The following CNTN3 variants were observed in gnomAD, a reference collection of about 807,000 sequenced individuals.
CNTN3 encodes the protein contactin-3.
A neutral mutation model predicts 119.1 loss-of-function variants in CNTN3; 60 were observed. The ratio of observed to expected loss-of-function variants is 0.50; its 90% CI spans 0.41 to 0.62. The LOEUF (loss-of-function observed/expected upper bound fraction) is 0.62, where lower values mean the gene tolerates loss of function less well. Among genes scored for constraint, CNTN3 ranks in the 20% least tolerant of loss-of-function variants. The pLI, the probability that CNTN3 is intolerant of heterozygous loss-of-function variation, is 0.00. For synonymous variants in CNTN3, 450 were observed against 438.7 expected (o/e 1.03, Z -0.32); for missense variants, 1,101 against 1,242.4 (o/e 0.89, Z 1.71).
At chr3:74,582,780 C>T (rs1213745228) in intron 1 of CNTN3, among the ~76,000 whole-genome samples, 1 of 109,960 alleles carries the variant, frequency 9.1e-6, no homozygotes, top group Non-Finnish European at 1.7e-5. Context: ...CATGTGTATG[C>T]ATTTGTGTGT....
intron 13 of CNTN3, among the ~76,000 whole-genome samples, chr3:74,318,225 G>T (rs1254481403): frequency 6.6e-6 from 1 of 151,678 alleles, no homozygotes; most frequent in African/African-American, 2.4e-5. Flanking sequence ...TTGTTATTCA[G>T]TTATCCATTT....
intron 1 of CNTN3, among the ~76,000 whole-genome samples, chr3:74,570,440 T>C (rs1223875670): frequency 6.6e-6 from 1 of 151,992 alleles, no homozygotes; most frequent in Non-Finnish European, 1.5e-5. Context: ...ACTCTCTTGA[T>C]TTCTCTCAAC....
At chr3:74,304,007 T>C (rs1275834875) in intron 13 of CNTN3, among the ~76,000 whole-genome samples, 2 of 152,088 alleles carry the variant, frequency 1.3e-5, no homozygotes, top group Non-Finnish European at 2.9e-5. Context: ...AAAGAAAAGT[T>C]TTAGTCTTGA....
chr3:74,427,097 TG>T (rs1701707020), intron 4 of CNTN3, among the ~76,000 whole-genome samples: 2 of 152,328 alleles, frequency 1.3e-5, no homozygotes, highest in South Asian at 4.1e-4. Flanking sequence ...ATCTGCCCAT[TG>T]GTCTAGAGAC....
At chr3:74,460,404 A>G (rs1175289237) in intron 4 of CNTN3, among the ~76,000 whole-genome samples, 2 of 152,104 alleles carry the variant, frequency 1.3e-5, no homozygotes, top group African/African-American at 4.8e-5. Flanking sequence ...GAATATTTTA[A>G]TCTATGAACA....
chr3:74,319,860 G>T (rs1000024734), intron 13 of CNTN3, among the ~76,000 whole-genome samples: 20 of 151,108 alleles, frequency 1.3e-4, no homozygotes, highest in Admixed American at 1.3e-3. Flanking sequence ...AGGTGAAGGA[G>T]ATGAACAGAC....
intron 3 of CNTN3, 49 bp from the exon 4 acceptor site, chr3:74,486,680 A>C: frequency 7.1e-7 from 1 of 1,407,122 alleles, no homozygotes; most frequent in Non-Finnish European, 9.4e-7. Context: ...TTTAACTTAA[A>C]AGAAGGCTCT....
chr3:74,304,153 G>C (rs1165664346), intron 13 of CNTN3, among the ~76,000 whole-genome samples: 1 of 152,120 alleles, frequency 6.6e-6, no homozygotes, highest in Non-Finnish European at 1.5e-5. Context: ...TTCTCTGTTA[G>C]TTGTATTGCA....
chr3:74,358,908 A>G (rs1200079908), intron 11 of CNTN3, among the ~76,000 whole-genome samples: 1 of 151,306 alleles, frequency 6.6e-6, no homozygotes, highest in Non-Finnish European at 1.5e-5. Context: ...ATGATTTCCA[A>G]TTTCATCCAT....
At chr3:74,433,818 T>C (rs1701825562) in intron 4 of CNTN3, among the ~76,000 whole-genome samples, 1 of 152,212 alleles carries the variant, frequency 6.6e-6, no homozygotes. Context: ...ACATCTCTTT[T>C]TTGAAACCTT....
In CNTN3 at chr3:74,380,311, C is replaced by T. The variant is rs577206664; in HGVS notation, c.455-8912G>A. 5.9e-5 allele frequency among the ~76,000 whole-genome samples: 9 copies of T among 152,300 alleles called. No homozygotes were observed. The South Asian group carries it at 6.2e-4, about 11-fold the overall frequency. On this transcript the variant is annotated intron_variant, in intron 5 of 22. Coordinates refer to ENST00000263665, the MANE Select transcript of CNTN3 (RefSeq NM_020872.3). ...TAATAGCACATTTTGCACATAGCCA[C>T]GCTTGATACAATGTGCATTTTGGTG...
intron 1 of CNTN3, among the ~76,000 whole-genome samples, chr3:74,546,668 G>A (rs7427367): frequency 0.91 from 139,241 of 152,194 alleles, 63,740 homozygotes; most frequent in East Asian, 0.93. Context: ...TTTGACCTTC[G>A]ACCACAGACT....
chr3:74,488,245 TGG>T, intron 3 of CNTN3, among the ~76,000 whole-genome samples: 1 of 152,056 alleles, frequency 6.6e-6, no homozygotes, highest in African/African-American at 2.4e-5. Flanking sequence ...CCAGAGTAGC[TGG>T]GACTACAGGC....
chr3:74,373,991 T>C lies in CNTN3; in HGVS notation c.455-2592A>G, dbSNP rs115350366. Among the ~76,000 whole-genome samples the C allele has an allele frequency of 9.5e-3, 1,450 of 152,234 alleles. 17 individuals are homozygous for C. Among genetic ancestry groups the C allele is most frequent in the African/African-American group, 0.031 (1,298 of 41,536 alleles). ...CACAGAACACAGTTGACTGATGGCC[T>C]CTACCTGCTACCCCAGGAGCACTGT... is the stretch of plus-strand genomic sequence containing the variant. On this transcript the variant is annotated intron_variant, in intron 5 of 22. Coordinates refer to ENST00000263665, the MANE Select transcript of CNTN3 (RefSeq NM_020872.3).
chr3:74,391,119 T>G (rs567376661), intron 5 of CNTN3, among the ~76,000 whole-genome samples: 11 of 152,196 alleles, frequency 7.2e-5, no homozygotes, highest in Non-Finnish European at 1.5e-4. Flanking sequence ...GAGATTTACA[T>G]GGAAGGTAGC....
At chr3:74,472,013 G>A (rs1413367185) in intron 4 of CNTN3, among the ~76,000 whole-genome samples, 1 of 152,140 alleles carries the variant, frequency 6.6e-6, no homozygotes, top group Non-Finnish European at 1.5e-5. Context: ...TCTCTCTCAT[G>A]TTTTTTGGTT....
chr3:74,476,815 A>G (rs1185698551), intron 4 of CNTN3, among the ~76,000 whole-genome samples: 2 of 152,162 alleles, frequency 1.3e-5, no homozygotes, highest in Non-Finnish European at 2.9e-5. Context: ...TAGCTTAATA[A>G]CAAGGTAGGC....
chr3:74,447,677 T>C (rs1257719233), intron 4 of CNTN3, among the ~76,000 whole-genome samples: 2 of 152,152 alleles, frequency 1.3e-5, no homozygotes, highest in African/African-American at 4.8e-5. Flanking sequence ...CCACCTGTCC[T>C]ATTTTCAAGT....
At chr3:74,539,795 A>G (rs1269018600) in intron 1 of CNTN3, among the ~76,000 whole-genome samples, 3 of 152,168 alleles carry the variant, frequency 2.0e-5, no homozygotes, top group Non-Finnish European at 4.4e-5. Flanking sequence ...ATGAGGAGGA[A>G]AAAAGAATGT....
Sources: allele counts gnomAD v4.1 joint callset (sites outside exome capture counted in the v4.1 genomes callset), GRCh38; gene constraint gnomAD v4.1.1; transcripts MANE v1.5; gene names NCBI Gene and HGNC (gene_info 2026-07-23, HGNC 2026-07-21).